The following SCML2 variants were observed in gnomAD, a reference collection of about 807,000 sequenced individuals.
SCML2 encodes Scm polycomb group protein like 2, also known as sex comb on midleg-like protein 2.
SCML2 carries 6 observed loss-of-function variants against 48.4 expected under a neutral mutation model. The ratio of observed to expected loss-of-function variants is 0.12; its 90% CI spans 0.07 to 0.24. The LOEUF (loss-of-function observed/expected upper bound fraction) is 0.24. Among genes scored for constraint, SCML2 ranks in the 10% least tolerant of loss-of-function variants. The pLI, the probability that SCML2 is intolerant of heterozygous loss-of-function variation, is 1.00. For missense variants in SCML2, 377 were observed against 528.2 expected (o/e 0.71, Z 2.81); for synonymous variants, 181 against 189.5 (o/e 0.95, Z 0.37).
At chrX:18,345,230 T>C (rs1324054731) in intron 1 of SCML2, among the ~76,000 whole-genome samples, 1 of 111,184 alleles carries the variant, frequency 9.0e-6, no homozygotes, top group African/African-American at 3.3e-5. Context: ...AATAAGCTCC[T>C]GGGGGCAGTA....
intron 6 of SCML2, among the ~76,000 whole-genome samples, chrX:18,313,452 G>T (rs1929025087): frequency 9.0e-6 from 1 of 111,128 alleles, no homozygotes; most frequent in African/African-American, 3.3e-5. Context: ...TGATCCTGAG[G>T]CCTCCCCAAC....
At chrX:18,335,423 G>A (rs1284758326) in intron 1 of SCML2, among the ~76,000 whole-genome samples, 1 of 111,294 alleles carries the variant, frequency 9.0e-6, no homozygotes, top group African/African-American at 3.3e-5. Context: ...AAAATCACCT[G>A]AGCCCGGGAA....
chrX:18,332,179 A>C (rs189040858), intron 2 of SCML2, among the ~76,000 whole-genome samples: 81 of 112,560 alleles, frequency 7.2e-4, no homozygotes, highest in African/African-American at 2.2e-3. Context: ...CCATTCAGTT[A>C]CCTTAAGGCA....
Position 18,240,407 on chromosome X carries a change from T to C in SCML2, c.*844A>G, listed in dbSNP as rs1374074118. On this transcript the variant is annotated 3_prime_UTR_variant, in exon 15 of 15. Transcript: ENST00000251900. ...AAAATTTTGGACACAGGTATCTTCA[T>C]ATAGAGATGTAAGAAAAGAATGCCT... 8.9e-6 allele frequency: 1 copy of C among 112,169 alleles called. No homozygotes were observed. The highest frequency in any genetic ancestry group is 1.9e-5 in the Non-Finnish European group (1 of 53,187). 9.2% of individuals were successfully genotyped at this position (112,169 alleles called of 1,213,427 possible).
chrX:18,338,215 G>A (rs755703430), intron 1 of SCML2, among the ~76,000 whole-genome samples: 24 of 111,160 alleles, frequency 2.2e-4, no homozygotes, highest in Admixed American at 1.5e-3. Flanking sequence ...AGGCCAAGGC[G>A]GTAGGATCAT....
chrX:18,302,603 CT>C (rs1027271514), intron 7 of SCML2, among the ~76,000 whole-genome samples: 2 of 111,500 alleles, frequency 1.8e-5, no homozygotes, highest in African/African-American at 6.5e-5. Flanking sequence ...TGTCCTGGTC[CT>C]TTTCTACCTC....
At chrX:18,315,075 G>A (rs1293800848) in intron 6 of SCML2, among the ~76,000 whole-genome samples, 1 of 89,269 alleles carries the variant, frequency 1.1e-5, no homozygotes, top group Non-Finnish European at 2.1e-5. Flanking sequence ...CTCCAGCCTA[G>A]GCAACAGAGG....
chrX:18,267,592 T>C (rs1487987538), intron 7 of SCML2, among the ~76,000 whole-genome samples: 1 of 107,261 alleles, frequency 9.3e-6, no homozygotes, highest in African/African-American at 3.4e-5. Context: ...TTGTTTGGGT[T>C]TTTTTTTTTT....
Position 18,241,120 on chromosome X carries a change from G to T in SCML2, c.*131C>A. ...CAAAGTTGACTGAACTGTTACTACA[G>T]TTCTGCAATTCTGATAAAATATTTT... is the stretch of plus-strand genomic sequence containing the variant. On this transcript the variant is annotated 3_prime_UTR_variant, in exon 15 of 15. Transcript: ENST00000251900. 1 of 596,799 alleles carries T rather than the reference G, an allele frequency of 1.7e-6. No individual in the cohort carries two copies. The highest frequency in any genetic ancestry group is 2.4e-6 in the Non-Finnish European group (1 of 420,428). 49.2% of individuals were successfully genotyped at this position (596,799 alleles called of 1,213,427 possible).
At chrX:18,327,925 T>C (rs2058238767) in intron 3 of SCML2, among the ~76,000 whole-genome samples, 1 of 111,731 alleles carries the variant, frequency 9.0e-6, no homozygotes, top group Non-Finnish European at 1.9e-5. Flanking sequence ...GAAGCCAAAA[T>C]AGTCAGAAAG....
intron 8 of SCML2, among the ~76,000 whole-genome samples, chrX:18,261,892 C>A (rs1927078314): frequency 9.2e-6 from 1 of 109,127 alleles, no homozygotes; most frequent in Non-Finnish European, 1.9e-5. Context: ...CATCTGCTAC[C>A]ATTTATATTA....
In SCML2 at chrX:18,247,216, C is replaced by T. The variant is rs191390272; in HGVS notation, c.1571-388G>A. On this transcript the variant is annotated intron_variant, in intron 12 of 14. Coordinates refer to ENST00000251900, the MANE Select transcript of SCML2 (RefSeq NM_006089.3). ...TTCATCATGTTGGCCAGGCTGGTCT[C>T]GAACTCCTGACCTCAGATGATCCAC... Among the ~76,000 whole-genome samples, 23 of 111,057 alleles carry T rather than the reference C, an allele frequency of 2.1e-4. No homozygotes were observed. The East Asian group carries it at 5.4e-3, about 26-fold the overall frequency.
At chrX:18,317,090 T>C (rs370449253) in intron 6 of SCML2, among the ~76,000 whole-genome samples, 312 of 111,997 alleles carry the variant, frequency 2.8e-3, no homozygotes, top group African/African-American at 9.6e-3. Context: ...TTTATAATTT[T>C]TAAAATTTTT....
chrX:18,271,612 C>T (rs570414818), intron 7 of SCML2, among the ~76,000 whole-genome samples: 118 of 109,863 alleles, frequency 1.1e-3, no homozygotes, highest in Middle Eastern at 4.7e-3. Flanking sequence ...AGCAGAGTAT[C>T]CCCCCGTTAT....
intron 1 of SCML2, among the ~76,000 whole-genome samples, chrX:18,353,859 G>A: frequency 8.9e-6 from 1 of 112,994 alleles, no homozygotes; most frequent in East Asian, 2.8e-4. Context: ...GATACAGGTG[G>A]AAAAAGCGAG....
At chrX:18,252,351 G>A (rs1400688035) in intron 11 of SCML2, among the ~76,000 whole-genome samples, 2 of 112,653 alleles carry the variant, frequency 1.8e-5, no homozygotes, top group Non-Finnish European at 3.7e-5. Flanking sequence ...CATATTATAT[G>A]ATTCTATTAA....
intron 7 of SCML2, among the ~76,000 whole-genome samples, chrX:18,280,128 T>C (rs758496908): frequency 3.9e-4 from 43 of 111,661 alleles, no homozygotes; most frequent in African/African-American, 1.4e-3. Flanking sequence ...GGTCAAGTCA[T>C]GTACAGAGGG....
chrX:18,276,168 AC>A (rs1299208328), intron 7 of SCML2, among the ~76,000 whole-genome samples: 2 of 111,055 alleles, frequency 1.8e-5, no homozygotes, highest in Non-Finnish European at 3.8e-5. Flanking sequence ...GGTGGTGCAC[AC>A]CTGTAGTTCC....
rs1926252257 is a variant in SCML2, at chrX:18,241,159, T to C, written c.*92A>G. 8 of 813,581 alleles carry C rather than the reference T, an allele frequency of 9.8e-6. No homozygotes were observed. In the South Asian group the frequency reaches 3.0e-4, roughly 30 times the overall value. 67.0% of individuals were successfully genotyped at this position (813,581 alleles called of 1,213,427 possible). A position where few individuals can be genotyped will look rare whatever the true frequency, so the allele number is the denominator to read the frequency against. On this transcript the variant is annotated 3_prime_UTR_variant, in exon 15 of 15. Coordinates refer to ENST00000251900, the MANE Select transcript of SCML2 (RefSeq NM_006089.3). Reference sequence around the variant, plus strand: ...ATAAAATATTTTTATGGGAACTGTCTACAAAACAAAAACTGCTAAGAGAAA... The same window carrying C: ...ATAAAATATTTTTATGGGAACTGTCCACAAAACAAAAACTGCTAAGAGAAA...
Sources: gnomAD v4.1 joint callset for allele counts (sites outside exome capture counted in the v4.1 genomes callset) on GRCh38, gnomAD v4.1.1 for gene constraint, MANE v1.5 for transcripts, NCBI Gene and HGNC (gene_info 2026-07-23, HGNC 2026-07-21) for gene names.